WDFY4: variants seen among roughly 807,000 people sequenced by gnomAD.
The protein encoded by WDFY4 is WDFY family member 4, also known as WD repeat- and FYVE domain-containing protein 4.
A neutral mutation model predicts 351.9 loss-of-function variants in WDFY4; 169 were observed. That is an observed-to-expected ratio of 0.48 (90% confidence interval 0.42 to 0.55). WDFY4 has a LOEUF of 0.55. WDFY4 is among the 20% of genes least tolerant of loss of function. The pLI, the probability that WDFY4 is intolerant of heterozygous loss-of-function variation, is 0.00. For synonymous variants in WDFY4, 1,622 were observed against 1,574.6 expected (o/e 1.03, Z -0.71); for missense variants, 3,803 against 3,935.6 (o/e 0.97, Z 0.90).
chr10:48,731,593 AG>A (rs1187036912), intron 9 of WDFY4, 31 bp downstream of exon 9: 2 of 1,536,142 alleles, frequency 1.3e-6, no homozygotes, highest in African/African-American at 2.7e-5. Flanking sequence ...AGGGATGGGC[AG>A]GGGTCAGTGT....
chr10:48,730,588 C>T (rs2132333687), intron 8 of WDFY4, among the ~76,000 whole-genome samples: 1 of 152,278 alleles, frequency 6.6e-6, no homozygotes, highest in South Asian at 2.1e-4. Flanking sequence ...ACTGATTTTG[C>T]TAGTAATCTC....
At chr10:48,782,058 T>C (rs1448158732) in intron 19 of WDFY4, among the ~76,000 whole-genome samples, 1 of 152,170 alleles carries the variant, frequency 6.6e-6, no homozygotes, top group African/African-American at 2.4e-5. Flanking sequence ...CTGAATTGGG[T>C]GCTGCTGGAA....
chr10:48,889,185 A>G (rs2133361370), intron 43 of WDFY4, among the ~76,000 whole-genome samples: 1 of 152,216 alleles, frequency 6.6e-6, no homozygotes, highest in East Asian at 1.9e-4. Flanking sequence ...ACCTTCACCA[A>G]CCTTGTTTAC....
At chr10:48,806,161 A>G in intron 27 of WDFY4, 66 bp downstream of exon 27, 1 of 1,483,742 alleles carries the variant, frequency 6.7e-7, no homozygotes, top group Non-Finnish European at 9.2e-7. Context: ...AGAGGCCCAC[A>G]TTGTGCAGAG....
intron 1 of WDFY4, among the ~76,000 whole-genome samples, chr10:48,703,403 A>C (rs2063534831): frequency 6.6e-6 from 1 of 152,208 alleles, no homozygotes; most frequent in Non-Finnish European, 1.5e-5. Context: ...CCCATTATGG[A>C]GATGGCAAAC....
chr10:48,774,528 A>G lies in WDFY4; in HGVS notation c.2624A>G (p.Gln875Arg). The G allele has an allele frequency of 6.4e-7, 1 of 1,551,716 alleles. No individual in the cohort carries two copies. Among genetic ancestry groups the G allele is most frequent in the Non-Finnish European group, 8.7e-7 (1 of 1,146,988 alleles). The stretch of plus-strand genomic sequence containing the variant: ...CTGGTGAAGTCGGAGAAGAACCGCC[A>G]GGTCATGTGCGAAGCAGGCTTGCTT... ...QSLVKSEKNR[Q>R]VMCEAGLLGT... is the part of the protein sequence containing the mutation. The change falls in exon 14 of 62, where the codon CAG (glutamine) becomes CGG (arginine). Residue 875 changes from glutamine to arginine, a missense_variant. Transcript: ENST00000325239.
Position 48,830,847 on chromosome 10 carries a change from G to A in WDFY4, c.6488G>A (p.Trp2163Ter). The A allele has an allele frequency of 6.4e-7, 1 of 1,551,602 alleles. No individual in the cohort carries two copies. The highest frequency in any genetic ancestry group is 8.7e-7 in the Non-Finnish European group (1 of 1,146,948). ...EVKIEEVTPL[W>*]EETMLKAWQH... ...AAGATTGAAGAGGTCACACCGCTCT[G>A]GGAGGAGACGATGCTCAAGGCCTGG... The change falls in exon 38 of 62, where the codon TGG (tryptophan) becomes TAG (stop). Residue 2163 changes from tryptophan (W) to a stop codon, truncating the protein, a stop_gained. Transcript: ENST00000325239. LOFTEE classifies it high-confidence loss of function.
chr10:48,970,228 T>C lies in WDFY4; in HGVS notation c.8867T>C (p.Val2956Ala). ...ATTGTCACCTCTGGGACCAGCACTG[T>C]GGTGTGTGTGTGGGAGCTCAGCATG... Reference protein sequence around the residue: ...TTIVTSGTSTVVCVWELSMTK... With the variant: ...TTIVTSGTSTAVCVWELSMTK... The change falls in exon 57 of 62, where the codon GTG becomes GCG. Residue 2956 changes from valine to alanine, a missense_variant. Around this residue, in one of 3 missense-constraint regions of WDFY4, gnomAD observed 3,054 missense variants for 3,148.6 expected, o/e 0.97. Coordinates refer to ENST00000325239, the MANE Select transcript of WDFY4 (RefSeq NM_001394531.1). 1.3e-6 allele frequency: 2 copies of C among 1,551,668 alleles called. No individual in the cohort carries two copies. The highest frequency in any genetic ancestry group is 1.7e-6 in the Non-Finnish European group (2 of 1,146,986).
chr10:48,865,099 G>C (rs2069495294), intron 39 of WDFY4, among the ~76,000 whole-genome samples: 1 of 152,080 alleles, frequency 6.6e-6, no homozygotes, highest in Non-Finnish European at 1.5e-5. Context: ...GTACATTGCT[G>C]TCTAGAAGTG....
intron 53 of WDFY4, among the ~76,000 whole-genome samples, chr10:48,960,536 A>G (rs760205055): frequency 9.2e-5 from 14 of 152,224 alleles, no homozygotes; most frequent in Non-Finnish European, 1.8e-4. Context: ...TTGCAGGTGC[A>G]TTTGCCATAT....
At chr10:48,970,349 A>G in intron 57 of WDFY4, 60 bp downstream of exon 57, 2 of 1,523,458 alleles carry the variant, frequency 1.3e-6, no homozygotes, top group South Asian at 1.2e-5. Flanking sequence ...ATGTAGGGAC[A>G]AAACCTCTGC....
Position 48,970,113 on chromosome 10 carries a change from C to T in WDFY4, c.8770-18C>T, listed in dbSNP as rs193154943. 5.4e-3 allele frequency: 8,309 copies of T among 1,550,712 alleles called. 31 individuals carry two copies. Among genetic ancestry groups the T allele is most frequent in the Non-Finnish European group, 6.5e-3 (7,452 of 1,146,750 alleles). Reference sequence around the variant, plus strand: ...CTGCTGTCTCCACAGCAGCGCTCATCCCCCTTATCTCCTACAGGTCCTGAT... The same window carrying T: ...CTGCTGTCTCCACAGCAGCGCTCATTCCCCTTATCTCCTACAGGTCCTGAT... On this transcript the variant is annotated intron_variant, in intron 56 of 61. Coordinates refer to ENST00000325239, the MANE Select transcript of WDFY4 (RefSeq NM_001394531.1).
At chr10:48,802,668 T>C in intron 24 of WDFY4, 1 of 470,928 alleles carries the variant, frequency 2.1e-6, no homozygotes, top group Admixed American at 2.3e-5. Context: ...ACAACCTGAG[T>C]GATCAACTTC....
chr10:48,768,306 C>A (rs1412994342), intron 13 of WDFY4, among the ~76,000 whole-genome samples: 1 of 152,152 alleles, frequency 6.6e-6, no homozygotes, highest in Non-Finnish European at 1.5e-5. Flanking sequence ...CAGTGTTTGC[C>A]TTGCCCATGC....
In WDFY4 at chr10:48,735,999, A is replaced by G. The variant is rs1312697174; in HGVS notation, c.1807A>G (p.Met603Val). 3 of 1,551,792 alleles carry G rather than the reference A, an allele frequency of 1.9e-6. No homozygotes were observed. The highest frequency in any genetic ancestry group is 2.6e-6 in the Non-Finnish European group (3 of 1,147,066). ...CTCAGCCATCAACGCCGAGGAGTAC[A>G]TGAGCATCATTGTGGGTGCTCTATG... ...QLSAINAEEY[M>V]SIIVGALCSS... is the part of the protein sequence containing the mutation. Residue 603 changes from methionine to valine, a missense_variant, in exon 11 of 62, where the codon ATG becomes GTG. This residue lies in a region of WDFY4 where 261 missense variants were observed against 330.2 expected (regional missense o/e 0.79). Coordinates refer to ENST00000325239, the MANE Select transcript of WDFY4 (RefSeq NM_001394531.1).
intron 53 of WDFY4, among the ~76,000 whole-genome samples, chr10:48,960,824 G>A (rs889636344): frequency 3.9e-5 from 6 of 152,174 alleles, no homozygotes; most frequent in Non-Finnish European, 8.8e-5. Context: ...CCATAACTCA[G>A]GGCTACATAT....
chr10:48,820,518 G>T, intron 33 of WDFY4, 81 bp downstream of exon 33: 2 of 1,429,006 alleles, frequency 1.4e-6, no homozygotes, highest in Non-Finnish European at 1.9e-6. Context: ...GATGCACCCA[G>T]GGAGACAGAG....
At chr10:48,828,959 A>AT (rs1286201578) in intron 37 of WDFY4, 63 bp downstream of exon 37, 2 of 743,324 alleles carry the variant, frequency 2.7e-6, no homozygotes, top group Admixed American at 2.6e-5. Flanking sequence ...TGGTGGCAGG[A>AT]TAGTGGTACC....
At chr10:48,771,375 CA>C (rs1400117385) in intron 13 of WDFY4, among the ~76,000 whole-genome samples, 2 of 152,254 alleles carry the variant, frequency 1.3e-5, no homozygotes, top group East Asian at 3.9e-4. Context: ...TGACTCTGAG[CA>C]AGAGTCATGT....
Sources: gnomAD v4.1 joint callset for allele counts (sites outside exome capture counted in the v4.1 genomes callset) on GRCh38, gnomAD v4.1.1 for gene constraint, gnomAD v4.1.1 regional missense constraint, MANE v1.5 for transcripts, NCBI Gene and HGNC (gene_info 2026-07-23, HGNC 2026-07-21) for gene names.